Variants in NEURL3 observed in about 807,000 individuals in gnomAD.
NEURL3 encodes neuralized E3 ubiquitin protein ligase 3, also known as E3 ubiquitin-protein ligase NEURL3.
NEURL3 carries 19 observed loss-of-function variants against 17.6 expected under a neutral mutation model. The ratio of observed to expected loss-of-function variants is 1.08; its 90% CI spans 0.75 to 1.58. The LOEUF is 1.58. Among genes scored for constraint, NEURL3 ranks in the 40% most tolerant of loss-of-function variants. NEURL3 has a pLI of 0.00. For synonymous variants in NEURL3, 180 were observed against 161.4 expected (o/e 1.11, Z -0.87); for missense variants, 342 against 379.6 (o/e 0.90, Z 0.82).
At chr2:96,505,497 G>A, upstream of NEURL3, 2 of 605,248 alleles carry the variant, frequency 3.3e-6, no homozygotes, top group Non-Finnish European at 5.9e-6. Context: ...CTGACCTGCT[G>A]GAGCTGGCCG....
At chr2:96,503,430 C>G (rs2065529653) in intron 1 of NEURL3, among the ~76,000 whole-genome samples, 1 of 152,182 alleles carries the variant, frequency 6.6e-6, no homozygotes, top group Non-Finnish European at 1.5e-5. Context: ...GCAGCCTCCT[C>G]TGTGCTGCTC....
At chr2:96,499,741 A>G (rs1006291699) in intron 2 of NEURL3, among the ~76,000 whole-genome samples, 2 of 152,060 alleles carry the variant, frequency 1.3e-5, no homozygotes, top group African/African-American at 4.8e-5. Context: ...GCCGAGCCAC[A>G]TTCCCAACCC....
At chr2:96,505,535 G>A (rs539940719), upstream of NEURL3, among the ~76,000 whole-genome samples, 1 of 152,234 alleles carries the variant, frequency 6.6e-6, no homozygotes, top group East Asian at 1.9e-4. Context: ...AGGAATGGGG[G>A]TCTGGCCTGG....
Position 96,498,453 on chromosome 2 carries a change from G to A in NEURL3, c.587-7C>T, listed in dbSNP as rs1294270614. On this transcript the variant is annotated splice_region_variant and splice_polypyrimidine_tract_variant and intron_variant, in intron 3 of 3. Transcript: ENST00000451794. The surrounding 1 kb of genome is among the most constrained non-coding windows in gnomAD (Gnocchi z 4.4). ...CACTCCTCTCCTGGTGTGGCTGGAA[G>A]AGGGAGCAACACAGGTCAGGGCACA... The A allele has an allele frequency of 1.3e-6, 2 of 1,593,206 alleles. No individual in the cohort carries two copies. Among genetic ancestry groups the A allele is most frequent in the African/African-American group, 2.7e-5 (2 of 74,952 alleles).
In NEURL3 at chr2:96,500,626, C is replaced by A; in HGVS notation, c.327G>T (p.Ala109=). 6.6e-7 allele frequency: 1 copy of A among 1,517,642 alleles called. No homozygotes were observed. The highest frequency in any genetic ancestry group is 1.2e-5 in the South Asian group (1 of 80,854). The allele number at this position is 1,517,642 out of a possible 1,614,324, so 94.0% of individuals were successfully genotyped here. ...GCGCGCAGCCCTCAGGCAGCACGGC[C>A]GCCCACGTCGGGCTCTGCTCCTCCA... The part of the protein sequence containing the change: ...PDLEEQSPTW[A]AVLPEGCALT... The change falls in exon 2 of 4, where the codon GCG becomes GCT. Residue 109 remains alanine (A), a synonymous_variant. Coordinates refer to ENST00000451794, the MANE Select transcript of NEURL3 (RefSeq NM_001285485.2).
chr2:96,498,745 G>A lies in NEURL3; in HGVS notation c.587-299C>T, dbSNP rs527472797. Among the ~76,000 whole-genome samples, 232 of 90,130 alleles carry A rather than the reference G, an allele frequency of 2.6e-3. No homozygotes were observed. The highest frequency in any genetic ancestry group is 8.6e-3 in the African/African-American group (229 of 26,508). The allele number at this position is 90,130 out of a possible 152,430, so 59.1% of individuals were successfully genotyped here. A position where few individuals can be genotyped will look rare whatever the true frequency, so the allele number is the denominator to read the frequency against. ...GGAGGAAATCCACCCAAGAGGTAAT[G>A]GGTGCTTTTTTTTTAACTTTCCTCT... On this transcript the variant is annotated intron_variant, in intron 3 of 3. Coordinates refer to ENST00000451794, the MANE Select transcript of NEURL3 (RefSeq NM_001285485.2). The surrounding 1 kb of genome is among the most constrained non-coding windows in gnomAD (Gnocchi z 4.4).
At chr2:96,500,010 T>A (rs184331470) in intron 2 of NEURL3, 2 of 199,718 alleles carry the variant, frequency 1.0e-5, no homozygotes, top group East Asian at 3.2e-4. Context: ...TGGCTCTCTT[T>A]TCCCCCCCAC....
rs966939873 is a variant in NEURL3 at position 96,500,671 on chromosome 2, C to G, written c.282G>C (p.Pro94=). 1 of 1,518,534 alleles carries G rather than the reference C, an allele frequency of 6.6e-7. No individual in the cohort carries two copies. The highest frequency in any genetic ancestry group is 2.5e-5 in the East Asian group (1 of 40,074). 94.1% of individuals were successfully genotyped at this position (1,518,534 alleles called of 1,614,324 possible). A position where few individuals can be genotyped will look rare whatever the true frequency, so the allele number is the denominator to read the frequency against. The change falls in exon 2 of 4, where the codon CCG becomes CCC. Residue 94 remains proline, a synonymous_variant. Transcript: ENST00000451794. ...DPACVSVPSL[P]PFLCPDLEEQ... The stretch of plus-strand genomic sequence containing the variant: ...CCTCCAGGTCGGGGCACAGGAAGGG[C>G]GGCAGGCTGGGCACGGACACGCACG...
intron 1 of NEURL3, among the ~76,000 whole-genome samples, chr2:96,504,995 T>C (rs2065548988): frequency 6.6e-6 from 1 of 151,424 alleles, no homozygotes; most frequent in Admixed American, 6.6e-5. Flanking sequence ...TGCCTATCAC[T>C]CTTTTGATTT....
At position 96,504,877 on chromosome 2, in the gene NEURL3, C is replaced by CAAAA. The variant is rs1157285400; in HGVS notation, c.28+378_28+381dup. 1.1e-3 allele frequency among the ~76,000 whole-genome samples: 62 copies of CAAAA among 55,278 alleles called. 3 individuals carry two copies. Among genetic ancestry groups the CAAAA allele is most frequent in the Middle Eastern group, 9.6e-3 (1 of 104 alleles). The allele number at this position is 55,278 out of a possible 152,430, so 36.3% of individuals were successfully genotyped here. ...TGGGCAACAGAGCGAGACTCCGTCT[C>CAAAA]AAAAAAAAAAAAAAAAAAAAAAAGA... On this transcript the variant is annotated intron_variant, in intron 1 of 3. Transcript: ENST00000451794.
At chr2:96,501,898 T>C (rs2065511591) in intron 1 of NEURL3, among the ~76,000 whole-genome samples, 1 of 151,856 alleles carries the variant, frequency 6.6e-6, no homozygotes, top group South Asian at 2.1e-4. Context: ...CCAGACCCCA[T>C]CCTAAGGAGC....
intron 1 of NEURL3, 111 bp downstream of exon 1, chr2:96,505,148 C>T (rs2065550699): frequency 7.4e-6 from 10 of 1,360,014 alleles, no homozygotes; most frequent in Non-Finnish European, 9.2e-6. Flanking sequence ...CACCAGCCCC[C>T]TAAACTTTAC....
chr2:96,506,145 C>T (rs2065559192), upstream of NEURL3, among the ~76,000 whole-genome samples: 1 of 152,200 alleles, frequency 6.6e-6, no homozygotes, highest in South Asian at 2.1e-4. Flanking sequence ...TCTCAAATCT[C>T]CTGGGGATCT....
In NEURL3 at chr2:96,500,624, G is replaced by T; in HGVS notation, c.329C>A (p.Ala110Asp). 6.6e-7 allele frequency: 1 copy of T among 1,518,224 alleles called. No individual in the cohort carries two copies. The highest frequency in any genetic ancestry group is 8.8e-7 in the Non-Finnish European group (1 of 1,139,790). 94.0% of individuals were successfully genotyped at this position (1,518,224 alleles called of 1,614,324 possible). A position where few individuals can be genotyped will look rare whatever the true frequency, so the allele number is the denominator to read the frequency against. ...DLEEQSPTWAAVLPEGCALTG... is the reference protein window; with the variant it reads ...DLEEQSPTWADVLPEGCALTG... ...GAGCGCGCAGCCCTCAGGCAGCACG[G>T]CCGCCCACGTCGGGCTCTGCTCCTC... The change falls in exon 2 of 4, where the codon GCC (alanine) becomes GAC (aspartate). Residue 110 changes from alanine to aspartate, a missense_variant. Coordinates refer to ENST00000451794, the MANE Select transcript of NEURL3 (RefSeq NM_001285485.2).
chr2:96,504,060 G>A (rs2065537378), intron 1 of NEURL3, among the ~76,000 whole-genome samples: 1 of 152,246 alleles, frequency 6.6e-6, no homozygotes, highest in Non-Finnish European at 1.5e-5. Context: ...TGGACTGCCT[G>A]CGGGCTAAGC....
In NEURL3 at chr2:96,500,725, G is replaced by A; in HGVS notation, c.228C>T (p.Leu76=). Residue 76 remains leucine, a synonymous_variant, in exon 2 of 4, where the codon CTC becomes CTT. Coordinates refer to ENST00000451794, the MANE Select transcript of NEURL3 (RefSeq NM_001285485.2). ...GGTCCAGGCGCGTGAAGCCCACGCGGAGGCCGCCGCACCAGCCGCTCTCCT... is the reference window on the plus strand; with the variant it reads ...GGTCCAGGCGCGTGAAGCCCACGCGAAGGCCGCCGCACCAGCCGCTCTCCT... ...LREESGWCGG[L]RVGFTRLDPA... 1 of 1,516,750 alleles carries A rather than the reference G, an allele frequency of 6.6e-7. No homozygotes were observed. The highest frequency in any genetic ancestry group is 1.4e-5 in the African/African-American group (1 of 71,302). The allele number at this position is 1,516,750 out of a possible 1,614,324, so 94.0% of individuals were successfully genotyped here.
At chr2:96,501,170 G>C (rs181653330) in intron 1 of NEURL3, among the ~76,000 whole-genome samples, 93 of 152,342 alleles carry the variant, frequency 6.1e-4, no homozygotes, top group African/African-American at 2.2e-3. Context: ...AGTAGGGTTA[G>C]TCAGGCATAA....
At position 96,498,502 on chromosome 2, in the gene NEURL3, C is replaced by T. The variant is rs531241515; in HGVS notation, c.587-56G>A. On this transcript the variant is annotated intron_variant, in intron 3 of 3. Transcript: ENST00000451794. This position sits in a 1 kb window ranked among gnomAD's most constrained non-coding sequence, Gnocchi z 4.4. ...CATGGGGGAAGGGGTGGGCAACCCG[C>T]TCACAATGTGACCACAGAGAATGAC... The T allele has an allele frequency of 3.5e-6, 5 of 1,448,000 alleles. No homozygotes were observed. Among genetic ancestry groups the T allele is most frequent in the Admixed American group, 1.9e-5 (1 of 51,614 alleles). The allele number at this position is 1,448,000 out of a possible 1,614,324, so 89.7% of individuals were successfully genotyped here.
rs972391502 is a variant in NEURL3, at chr2:96,497,761, C to T, written c.*483G>A. The T allele has an allele frequency of 6.4e-6, 1 of 155,656 alleles. No homozygotes were observed. Among genetic ancestry groups the T allele is most frequent in the African/African-American group, 2.4e-5 (1 of 41,662 alleles). The allele number at this position is 155,656 out of a possible 1,614,324, so 9.6% of individuals were successfully genotyped here. ...CTTCAGATGCATGGTCTCTCTGGGACCTCATGACCACCCTGAAAGGGAGGC... is the reference window on the plus strand; with the variant it reads ...CTTCAGATGCATGGTCTCTCTGGGATCTCATGACCACCCTGAAAGGGAGGC... On this transcript the variant is annotated 3_prime_UTR_variant, in exon 4 of 4. Transcript: ENST00000451794.
Sources: gnomAD v4.1 joint callset for allele counts (sites outside exome capture counted in the v4.1 genomes callset) on GRCh38, gnomAD v4.1.1 for gene constraint, Gnocchi (gnomAD v3.1) non-coding constraint, MANE v1.5 for transcripts, NCBI Gene and HGNC (gene_info 2026-07-23, HGNC 2026-07-21) for gene names.